The following PKP2 variants were observed in gnomAD, a reference collection of about 807,000 sequenced individuals.
The protein encoded by PKP2 is plakophilin 2.
Under a neutral mutation model 83.4 loss-of-function variants are expected in PKP2, and 73 were observed. The ratio of observed to expected loss-of-function variants is 0.88; its 90% CI spans 0.72 to 1.06. PKP2 has a LOEUF of 1.06. PKP2 is among the 50% of genes least tolerant of loss of function. The pLI, the probability that PKP2 is intolerant of heterozygous loss-of-function variation, is 0.00. For synonymous variants in PKP2, 409 were observed against 430.4 expected, an observed-to-expected ratio of 0.95 and a Z score of 0.62; for missense variants, 966 against 1,065.4, an observed-to-expected ratio of 0.91 and a Z score of 1.30.
At position 32,869,259 on chromosome 12, in the gene PKP2, G is replaced by T. The variant is rs77756570; in HGVS notation, c.1035-197C>A. On this transcript the variant is annotated intron_variant, in intron 3 of 12. Transcript: ENST00000340811. ...TACTGGATAGAAATTCTTCAGCTTTGATCAGATAGAAGACATTGGACGATG... is the reference window on the plus strand; with the variant it reads ...TACTGGATAGAAATTCTTCAGCTTTTATCAGATAGAAGACATTGGACGATG... Among the ~76,000 whole-genome samples, 1,316 of 152,014 alleles carry T rather than the reference G, an allele frequency of 8.7e-3. 5 individuals carry two copies. The highest frequency in any genetic ancestry group is 0.023 in the South Asian group (112 of 4,826).
intron 4 of PKP2, among the ~76,000 whole-genome samples, chr12:32,864,637 A>C (rs1176057002): frequency 6.6e-6 from 1 of 152,156 alleles, no homozygotes; most frequent in Non-Finnish European, 1.5e-5. Flanking sequence ...GCAATCTCTA[A>C]CAAAATCCCA....
intron 9 of PKP2, among the ~76,000 whole-genome samples, chr12:32,807,130 T>C (rs770495840): frequency 6.6e-5 from 10 of 152,234 alleles, no homozygotes; most frequent in Admixed American, 3.9e-4. Flanking sequence ...TCTGATTATG[T>C]GAACAAGTTT....
At chr12:32,864,751 T>C (rs1956831708) in intron 4 of PKP2, among the ~76,000 whole-genome samples, 1 of 152,206 alleles carries the variant, frequency 6.6e-6, no homozygotes, top group Non-Finnish European at 1.5e-5. Flanking sequence ...ATGGATGGAC[T>C]AACATTACCT....
intron 9 of PKP2, among the ~76,000 whole-genome samples, chr12:32,810,977 G>A (rs1293590015): frequency 1.6e-4 from 1 of 6,446 alleles, no homozygotes; most frequent in African/African-American, 2.2e-4. Flanking sequence ...CACCGCGCCC[G>A]GCCAGAATAA....
At position 32,890,074 on chromosome 12, in the gene PKP2, C is replaced by CAAAAA. The variant is rs55957473; in HGVS notation, c.223+6430_223+6434dup. On this transcript the variant is annotated intron_variant, in intron 1 of 12. Transcript: ENST00000340811. The stretch of plus-strand genomic sequence containing the variant: ...CTGGGCATAGAGCGAGACTCCATCT[C>CAAAAA]AAAAAAAAAAAAAAAAAAAAAAAGA... Among the ~76,000 whole-genome samples, 256 of 62,150 alleles carry CAAAAA rather than the reference C, an allele frequency of 4.1e-3. 2 individuals are homozygous for CAAAAA. The highest frequency in any genetic ancestry group is 0.012 in the East Asian group (22 of 1,864). The allele number at this position is 62,150 out of a possible 152,430, so 40.8% of individuals were successfully genotyped here.
At chr12:32,848,607 T>G (rs186730506) in intron 5 of PKP2, among the ~76,000 whole-genome samples, 289 of 152,136 alleles carry the variant, frequency 1.9e-3, no homozygotes, top group African/African-American at 6.6e-3. Flanking sequence ...AAATGGGAGC[T>G]AAACATTGGG....
rs116056868 is a variant in PKP2 at position 32,854,714 on chromosome 12, T to C, written c.1171-3741A>G. Among the ~76,000 whole-genome samples the C allele has an allele frequency of 5.3e-3, 814 of 152,276 alleles. 10 individuals are homozygous for C. The highest frequency in any genetic ancestry group is 0.018 in the African/African-American group (761 of 41,562). ...AACTTCAAAGAAGTTCTCATTTGAG[T>C]TGGTTTCTAAATACATGAAAGGGCA... On this transcript the variant is annotated intron_variant, in intron 4 of 12. Transcript: ENST00000340811.
At chr12:32,839,374 C>CT (rs758561343) in intron 6 of PKP2, among the ~76,000 whole-genome samples, 63,302 of 130,152 alleles carry the variant, frequency 0.49, 15,952 homozygotes, top group Non-Finnish European at 0.56. Flanking sequence ...AAGATGTGCA[C>CT]TTTTTTTTTT....
rs2137778198 is a variant in PKP2 at position 32,822,618 on chromosome 12, C to A, written c.1688G>T (p.Cys563Phe). The A allele has an allele frequency of 6.2e-7, 1 of 1,614,090 alleles. No homozygotes were observed. Among genetic ancestry groups the A allele is most frequent in the South Asian group, 1.1e-5 (1 of 91,080 alleles). Residue 563 changes from cysteine (C) to phenylalanine (F), a missense_variant, in exon 8 of 13, where the codon TGT becomes TTT. Transcript: ENST00000340811. ...GGAGAGGTTATGAAGAATGCACACA[C>A]AATTCTCCGTGGCCTGAGAAAACAG... The part of the protein sequence containing the change: ...YQPDDKATEN[C>F]VCILHNLSYQ...
chr12:32,794,339 T>C (rs1036305789), intron 11 of PKP2, among the ~76,000 whole-genome samples: 10 of 152,250 alleles, frequency 6.6e-5, no homozygotes, highest in Non-Finnish European at 1.2e-4. Flanking sequence ...TACTTGGTAC[T>C]CTTTTATTCA....
At chr12:32,830,425 A>T (rs1209599011) in intron 6 of PKP2, among the ~76,000 whole-genome samples, 1 of 152,262 alleles carries the variant, frequency 6.6e-6, no homozygotes, top group Non-Finnish European at 1.5e-5. Context: ...TGAAGGTATC[A>T]GCAAACATCA....
chr12:32,805,864 G>A (rs1461299916), intron 9 of PKP2, among the ~76,000 whole-genome samples: 1 of 152,074 alleles, frequency 6.6e-6, no homozygotes, highest in African/African-American at 2.4e-5. Flanking sequence ...AGTCTAACGG[G>A]GATAGCATTG....
chr12:32,860,758 G>A lies in PKP2; in HGVS notation c.1170+8169C>T, dbSNP rs183110037. ...AAAAAGTAGAATTTGGTCTGGGCGC[G>A]GTGGTGCATGCCTGTAGTCCCAGCA... On this transcript the variant is annotated intron_variant, in intron 4 of 12. Coordinates refer to ENST00000340811, the MANE Select transcript of PKP2 (RefSeq NM_001005242.3). Among the ~76,000 whole-genome samples, 271 of 152,160 alleles carry A rather than the reference G, an allele frequency of 1.8e-3. 5 individuals carry two copies. The highest frequency in any genetic ancestry group is 0.017 in the Admixed American group (261 of 15,260).
intron 1 of PKP2, among the ~76,000 whole-genome samples, chr12:32,889,140 T>C (rs1177511183): frequency 2.0e-5 from 3 of 152,026 alleles, no homozygotes; most frequent in Non-Finnish European, 4.4e-5. Context: ...CTAAGTTAAC[T>C]GGGCAAGAGA....
chr12:32,850,832 C>A lies in PKP2; in HGVS notation c.1312G>T (p.Gly438Trp). 1 of 1,613,810 alleles carries A rather than the reference C, an allele frequency of 6.2e-7. No individual in the cohort carries two copies. Among genetic ancestry groups the A allele is most frequent in the Non-Finnish European group, 8.5e-7 (1 of 1,179,846 alleles). Residue 438 changes from glycine (G) to tryptophan (W), a missense_variant, in exon 5 of 13, where the codon GGG becomes TGG. By Grantham distance (184) the Gly-to-Trp change is radical. Coordinates refer to ENST00000340811, the MANE Select transcript of PKP2 (RefSeq NM_001005242.3). ...DNKLEVAELN[G>W]VPRLLQVLKQ... is the part of the protein sequence containing the mutation. ...AGCACCTGGAGCAGCCGAGGTACCC[C>A]ATTTAGTTCAGCCACCTCCAATTTG... is the stretch of plus-strand genomic sequence containing the variant.
chr12:32,843,928 A>ATT (rs1956623874), intron 5 of PKP2, among the ~76,000 whole-genome samples: 2 of 152,238 alleles, frequency 1.3e-5, no homozygotes, highest in South Asian at 4.1e-4. Flanking sequence ...AAGCAAACAA[A>ATT]TTAATAGTCT....
At chr12:32,846,186 C>G (rs1266185766) in intron 5 of PKP2, among the ~76,000 whole-genome samples, 1 of 152,088 alleles carries the variant, frequency 6.6e-6, no homozygotes, top group Non-Finnish European at 1.5e-5. Context: ...CCGTTTTAAT[C>G]CAAGGCATAT....
At chr12:32,803,057 G>A (rs1956196668) in intron 9 of PKP2, among the ~76,000 whole-genome samples, 2 of 151,794 alleles carry the variant, frequency 1.3e-5, no homozygotes, top group African/African-American at 2.4e-5. Flanking sequence ...ATAAAAACCT[G>A]TTTATTCAGT....
chr12:32,866,214 ACACATTT>A (rs1340791236), intron 4 of PKP2, among the ~76,000 whole-genome samples: 1 of 152,174 alleles, frequency 6.6e-6, no homozygotes, highest in Admixed American at 6.6e-5. Context: ...AGAATTGAAT[ACACATTT>A]CACTAAAGAA....
Sources: gnomAD v4.1 joint callset for allele counts (sites outside exome capture counted in the v4.1 genomes callset) on GRCh38, gnomAD v4.1.1 for gene constraint, MANE v1.5 for transcripts, NCBI Gene and HGNC (gene_info 2026-07-23, HGNC 2026-07-21) for gene names.